Variants in REEP1 observed in about 807,000 individuals in gnomAD.
REEP1 encodes the protein receptor expression-enhancing protein 1.
A neutral mutation model predicts 40.3 loss-of-function variants in REEP1; 22 were observed. The ratio of observed to expected loss-of-function variants is 0.55; its 90% CI spans 0.39 to 0.78. REEP1 has a LOEUF of 0.78. Ranked by LOEUF, REEP1 falls within the 30% of genes least tolerant of loss-of-function variation. REEP1 has a pLI of 0.00. For missense variants in REEP1, 280 were observed against 361.1 expected (o/e 0.78, Z 1.82); for synonymous variants, 116 against 139.2 (o/e 0.83, Z 1.17).
upstream of REEP1, chr2:86,338,022 A>C: frequency 6.5e-7 from 1 of 1,537,044 alleles, no homozygotes; most frequent in Non-Finnish European, 8.7e-7. Context: ...TAAAGGGTTT[A>C]CCTGGATCCA....
At chr2:86,285,084 C>T (rs918314504) in intron 1 of REEP1, among the ~76,000 whole-genome samples, 16 of 152,344 alleles carry the variant, frequency 1.1e-4, no homozygotes, top group African/African-American at 2.4e-4. Flanking sequence ...TACCCCTACA[C>T]GGCCCTTCTC....
intron 2 of REEP1, among the ~76,000 whole-genome samples, chr2:86,266,468 A>C (rs1451488814): frequency 6.7e-6 from 1 of 149,604 alleles, no homozygotes; most frequent in Non-Finnish European, 1.5e-5. Context: ...AAATACAAAA[A>C]ATTAGCCGGG....
At chr2:86,230,453 G>A (rs773374627) in intron 6 of REEP1, among the ~76,000 whole-genome samples, 17 of 152,182 alleles carry the variant, frequency 1.1e-4, no homozygotes, top group African/African-American at 3.1e-4. Flanking sequence ...ACTCTTAGAG[G>A]CAAAGGGACG....
chr2:86,282,610 C>G (rs924976080), intron 1 of REEP1, among the ~76,000 whole-genome samples: 1 of 152,144 alleles, frequency 6.6e-6, no homozygotes, highest in African/African-American at 2.4e-5. Flanking sequence ...GCAAACACCT[C>G]AGGCTTCTTT....
chr2:86,303,761 A>G (rs1342608376), intron 1 of REEP1, among the ~76,000 whole-genome samples: 1 of 152,116 alleles, frequency 6.6e-6, no homozygotes, highest in African/African-American at 2.4e-5. Context: ...GGAAGAAGGT[A>G]GGGTAGGGGA....
intron 5 of REEP1, among the ~76,000 whole-genome samples, chr2:86,244,710 C>T (rs906777845): frequency 2.0e-5 from 3 of 152,162 alleles, no homozygotes; most frequent in Non-Finnish European, 4.4e-5. Context: ...GAAGCCAGAG[C>T]AACTGTGGGC....
Position 86,216,965 on chromosome 2 carries a change from T to C in REEP1, c.*74A>G. 7.5e-7 allele frequency: 1 copy of C among 1,339,946 alleles called. No individual in the cohort carries two copies. Among genetic ancestry groups the C allele is most frequent in the Non-Finnish European group, 1.1e-6 (1 of 935,686 alleles). 83.0% of individuals were successfully genotyped at this position (1,339,946 alleles called of 1,614,324 possible). ...AAAGCACACCCAGCTTGCGGATTTC[T>C]ATGTTATTAGTGAATAGCTCTTTAA... On this transcript the variant is annotated 3_prime_UTR_variant, in exon 9 of 9. Transcript: ENST00000538924.
At chr2:86,243,568 G>A (rs994338958) in intron 5 of REEP1, among the ~76,000 whole-genome samples, 2 of 152,210 alleles carry the variant, frequency 1.3e-5, no homozygotes, top group Non-Finnish European at 2.9e-5. Flanking sequence ...TGTGAGGTGA[G>A]GTAACACTCC....
Position 86,337,459 on chromosome 2 carries a change from C to A in REEP1, c.32+20G>T. 1 of 1,247,630 alleles carries A rather than the reference C, an allele frequency of 8.0e-7. No individual in the cohort carries two copies. The highest frequency in any genetic ancestry group is 3.0e-5 in the South Asian group (1 of 33,672). The allele number at this position is 1,247,630 out of a possible 1,614,324, so 77.3% of individuals were successfully genotyped here. Reference sequence around the variant, plus strand: ...CGGGGAGGGAGGGGACGGAGGGGCGCGGGGGAGAAGGCCACTTACACCACC... The same window carrying A: ...CGGGGAGGGAGGGGACGGAGGGGCGAGGGGGAGAAGGCCACTTACACCACC... On this transcript the variant is annotated intron_variant, in intron 1 of 8. Coordinates refer to ENST00000538924, the MANE Select transcript of REEP1 (RefSeq NM_001371279.1). This position sits in a 1 kb window ranked among gnomAD's most constrained non-coding sequence, Gnocchi z 5.8.
chr2:86,268,999 T>C (rs1449931384), intron 2 of REEP1, among the ~76,000 whole-genome samples: 6 of 152,200 alleles, frequency 3.9e-5, no homozygotes, highest in African/African-American at 7.2e-5. Flanking sequence ...AAATGGATCA[T>C]AGGTCTAAAT....
In REEP1 at chr2:86,264,061, C is replaced by T. The variant is rs1356039032; in HGVS notation, c.106-20G>A. The T allele has an allele frequency of 6.3e-7, 1 of 1,596,282 alleles. No homozygotes were observed. ...TTTGACCTGTTGAAACAGAAAGCAA[C>T]ACAGCTGGTAGAAAAGGTCCAGGAA... On this transcript the variant is annotated intron_variant, in intron 2 of 8. Coordinates refer to ENST00000538924, the MANE Select transcript of REEP1 (RefSeq NM_001371279.1).
chr2:86,273,531 C>T lies in REEP1; in HGVS notation c.105+8639G>A, dbSNP rs549591119. Reference sequence around the variant, plus strand: ...GAACTCTTGAGCTCAAGCAATCCACCTGCCTCAGTCTCCCAAAGTGCTGGG... The same window carrying T: ...GAACTCTTGAGCTCAAGCAATCCACTTGCCTCAGTCTCCCAAAGTGCTGGG... On this transcript the variant is annotated intron_variant, in intron 2 of 8. Coordinates refer to ENST00000538924, the MANE Select transcript of REEP1 (RefSeq NM_001371279.1). Among the ~76,000 whole-genome samples, 4 of 152,186 alleles carry T rather than the reference C, an allele frequency of 2.6e-5. No individual in the cohort carries two copies. In the East Asian group the frequency reaches 7.7e-4, roughly 29 times the overall value.
intron 6 of REEP1, among the ~76,000 whole-genome samples, chr2:86,231,424 C>T (rs1675009958): frequency 6.6e-6 from 1 of 152,190 alleles, no homozygotes; most frequent in African/African-American, 2.4e-5. Context: ...TGGACGGAGC[C>T]CTGAGCTGCA....
At chr2:86,290,258 A>G (rs1421637024) in intron 1 of REEP1, among the ~76,000 whole-genome samples, 1 of 152,188 alleles carries the variant, frequency 6.6e-6, no homozygotes, top group Non-Finnish European at 1.5e-5. Context: ...GAAAAACCAG[A>G]TAAGTCGTTG....
chr2:86,293,102 G>A (rs958371594), intron 1 of REEP1, among the ~76,000 whole-genome samples: 2 of 148,102 alleles, frequency 1.4e-5, no homozygotes, highest in Non-Finnish European at 1.5e-5. Context: ...TCATTCATTT[G>A]TTTGTTCGTT....
rs77720984 is a variant in REEP1, at chr2:86,331,248, C to G, written c.32+6231G>C. 2.9e-3 allele frequency among the ~76,000 whole-genome samples: 440 copies of G among 152,286 alleles called. 3 individuals are homozygous for G. The highest frequency in any genetic ancestry group is 0.017 in the South Asian group (84 of 4,822). On this transcript the variant is annotated intron_variant, in intron 1 of 8. Transcript: ENST00000538924. ...CTCCCTCAGCTCCAAATCAAGAAAC[C>G]CTGGGGAAGGATCTCAGTTTGGGTC...
rs1674073535 is a variant in REEP1, at chr2:86,215,694, C to A, written c.*1345G>T. ...ACCACAATGCCATTTAAACCAGATT[C>A]TTTTCAAATAAAATTCTCAATCTAA... On this transcript the variant is annotated 3_prime_UTR_variant, in exon 9 of 9. Transcript: ENST00000538924. The A allele has an allele frequency of 6.6e-6, 1 of 152,638 alleles. No individual in the cohort carries two copies. Among genetic ancestry groups the A allele is most frequent in the South Asian group, 2.1e-4 (1 of 4,830 alleles). 9.5% of individuals were successfully genotyped at this position (152,638 alleles called of 1,614,324 possible).
At chr2:86,325,138 C>T (rs1022410970) in intron 1 of REEP1, among the ~76,000 whole-genome samples, 1 of 152,100 alleles carries the variant, frequency 6.6e-6, no homozygotes, top group African/African-American at 2.4e-5. Context: ...ATCCCAGCAA[C>T]TTGGGAGGCT....
At chr2:86,282,627 C>A (rs1457340767) in intron 1 of REEP1, among the ~76,000 whole-genome samples, 1 of 152,148 alleles carries the variant, frequency 6.6e-6, no homozygotes, top group African/African-American at 2.4e-5. Context: ...CTTTCTCCAT[C>A]AAAACCTTTC....
Sources: allele counts gnomAD v4.1 joint callset (sites outside exome capture counted in the v4.1 genomes callset), GRCh38; gene constraint gnomAD v4.1.1; non-coding constraint Gnocchi (gnomAD v3.1); transcripts MANE v1.5; gene names NCBI Gene and HGNC (gene_info 2026-07-23, HGNC 2026-07-21).